Variants in TDRKH observed in about 807,000 individuals in gnomAD.
TDRKH encodes tudor and KH domain-containing protein.
Under a neutral mutation model 61.3 loss-of-function variants are expected in TDRKH, and 28 were observed. The observed-to-expected ratio is 0.46, with a 90% CI of 0.34 to 0.63. The LOEUF is 0.63. Ranked by LOEUF, TDRKH falls within the 20% of genes least tolerant of loss-of-function variation. The probability of loss-of-function intolerance (pLI) is 0.01; values close to 1 mark genes in which losing one functional copy is unlikely to be tolerated. For missense variants in TDRKH, 540 were observed against 683.4 expected (o/e 0.79, Z 2.34); for synonymous variants, 219 against 244.4 (o/e 0.90, Z 0.97).
At chr1:151,785,019 C>A (rs866831065) in intron 1 of TDRKH, among the ~76,000 whole-genome samples, 1 of 150,926 alleles carries the variant, frequency 6.6e-6, no homozygotes, top group Non-Finnish European at 1.5e-5. Context: ...GCAGCCACAA[C>A]CTCTGGACTC....
chr1:151,779,045 G>A, intron 5 of TDRKH, 39 bp from the exon 6 acceptor site: 1 of 1,612,254 alleles, frequency 6.2e-7, no homozygotes, highest in Non-Finnish European at 8.5e-7. Flanking sequence ...TCTGACCTGG[G>A]ATAGAGTAAA....
At chr1:151,771,412 T>C, downstream of TDRKH, 3 of 1,288,570 alleles carry the variant, frequency 2.3e-6, no homozygotes, top group Non-Finnish European at 2.0e-6. Context: ...CTAAATTCAC[T>C]GAAAAGATCA....
chr1:151,786,563 T>C (rs4845355), intron 1 of TDRKH, among the ~76,000 whole-genome samples: 1 of 151,928 alleles, frequency 6.6e-6, no homozygotes, highest in Admixed American at 6.6e-5. Context: ...CGGAGAAGGG[T>C]AGACTACTAC....
rs368813898 is a variant in TDRKH at position 151,774,442 on chromosome 1, A to T, written c.*10T>A. ...CAAAGCAGATGGCTGAGCAAACTGA[A>T]GCCCAGACTTCAGAGTAAGTAGTCA... is the stretch of plus-strand genomic sequence containing the variant. On this transcript the variant is annotated 3_prime_UTR_variant, in exon 13 of 13. Transcript: ENST00000368824. The T allele has an allele frequency of 1.2e-6, 2 of 1,614,010 alleles. No homozygotes were observed. The highest frequency in any genetic ancestry group is 2.2e-5 in the South Asian group (2 of 91,050).
intron 7 of TDRKH, 69 bp downstream of exon 7, chr1:151,776,370 G>A (rs1201069214): frequency 1.9e-6 from 3 of 1,599,814 alleles, no homozygotes; most frequent in South Asian, 2.2e-5. Context: ...CACAGGGAAA[G>A]GAAGAGTACA....
Position 151,782,889 on chromosome 1 carries a change from G to A in TDRKH, c.124+10C>T. On this transcript the variant is annotated intron_variant, in intron 2 of 12. Transcript: ENST00000368824. ...ACATTTTCACACACACAGTCATAGG[G>A]TTCACGTACCTCTGCTTTCCCTATA... is the stretch of plus-strand genomic sequence containing the variant. The A allele has an allele frequency of 1.3e-6, 2 of 1,599,826 alleles. No individual in the cohort carries two copies. Among genetic ancestry groups the A allele is most frequent in the Non-Finnish European group, 1.7e-6 (2 of 1,174,422 alleles).
downstream of TDRKH, chr1:151,771,522 T>C: frequency 2.4e-6 from 1 of 411,706 alleles, no homozygotes; most frequent in Non-Finnish European, 4.1e-6. Flanking sequence ...AACCATTTAC[T>C]GAGCACTAAT....
At chr1:151,778,626 A>T (rs1273470158) in intron 6 of TDRKH, 59 bp downstream of exon 6, 1 of 1,604,248 alleles carries the variant, frequency 6.2e-7, no homozygotes, top group Admixed American at 1.7e-5. Flanking sequence ...TAATCTCTCC[A>T]ATATCTAAGC....
chr1:151,781,559 A>G lies in TDRKH; in HGVS notation c.153T>C (p.Asp51=), dbSNP rs1649821375. Reference sequence around the variant, plus strand: ...GAACCCGCATCTCTATCTCAATGTCATCTTCCCCAACAAATGTCAGCCGCT... The same window carrying G: ...GAACCCGCATCTCTATCTCAATGTCGTCTTCCCCAACAAATGTCAGCCGCT... ...REERLTFVGE[D]DIEIEMRVPQ... Residue 51 remains aspartate (D), a synonymous_variant, in exon 3 of 13, where the codon GAT becomes GAC. Transcript: ENST00000368824. 5 of 1,613,298 alleles carry G rather than the reference A, an allele frequency of 3.1e-6. No homozygotes were observed. The highest frequency in any genetic ancestry group is 4.2e-6 in the Non-Finnish European group (5 of 1,179,784).
intron 7 of TDRKH, 71 bp from the exon 8 acceptor site, chr1:151,776,339 A>C: frequency 1.9e-6 from 3 of 1,593,744 alleles, no homozygotes; most frequent in Non-Finnish European, 2.6e-6. Context: ...TTGCAGGAGG[A>C]AGAAAGAAAA....
chr1:151,768,109 G>T (rs767885378), downstream of TDRKH: 1 of 1,613,944 alleles, frequency 6.2e-7, no homozygotes, highest in Non-Finnish European at 8.5e-7. Context: ...CCAGGACCCA[G>T]TACAGTTAGA....
At chr1:151,781,660 G>T in intron 2 of TDRKH, 73 bp from the exon 3 acceptor site, 1 of 1,336,682 alleles carries the variant, frequency 7.5e-7, no homozygotes, top group South Asian at 1.3e-5. Flanking sequence ...GTCCTCCCCA[G>T]AATCTGGCTG....
chr1:151,789,544 T>A (rs1558153597), intron 1 of TDRKH, among the ~76,000 whole-genome samples: 1 of 152,232 alleles, frequency 6.6e-6, no homozygotes, highest in Admixed American at 6.5e-5. Flanking sequence ...TGTGGTTAGA[T>A]AATGGTTTTC....
intron 1 of TDRKH, among the ~76,000 whole-genome samples, chr1:151,790,159 G>A (rs1034253403): frequency 1.3e-5 from 2 of 152,200 alleles, no homozygotes; most frequent in Non-Finnish European, 2.9e-5. Flanking sequence ...TGTGGCGTAA[G>A]CGGGTGACTG....
intron 2 of TDRKH, 105 bp downstream of exon 2, chr1:151,782,794 A>C (rs1649956695): frequency 7.0e-7 from 1 of 1,423,450 alleles, no homozygotes; most frequent in Non-Finnish European, 9.2e-7. Context: ...AAAAACCCCA[A>C]AACAAAACAC....
downstream of TDRKH, among the ~76,000 whole-genome samples, chr1:151,768,808 C>G (rs969237875): frequency 1.3e-5 from 2 of 152,166 alleles, no homozygotes; most frequent in African/African-American, 4.8e-5. Context: ...GCAGAGGACC[C>G]TGCGGCCTTC....
At chr1:151,788,626 A>T (rs940190880) in intron 1 of TDRKH, among the ~76,000 whole-genome samples, 1 of 152,204 alleles carries the variant, frequency 6.6e-6, no homozygotes, top group Admixed American at 6.5e-5. Flanking sequence ...AACTGCGGCT[A>T]AGGGATAGAA....
downstream of TDRKH, chr1:151,768,181 C>G: frequency 6.2e-7 from 1 of 1,613,940 alleles, no homozygotes; most frequent in South Asian, 1.1e-5. Context: ...CTGTGACCGT[C>G]GACTCTTCCT....
At chr1:151,775,584 G>A in intron 9 of TDRKH, 41 bp from the exon 10 acceptor site, 1 of 1,583,804 alleles carries the variant, frequency 6.3e-7, no homozygotes. Flanking sequence ...TAGGGGTGGG[G>A]CTTATACCCT....
Sources: gnomAD v4.1 joint callset for allele counts (sites outside exome capture counted in the v4.1 genomes callset) on GRCh38, gnomAD v4.1.1 for gene constraint, MANE v1.5 for transcripts, NCBI Gene and HGNC (gene_info 2026-07-23, HGNC 2026-07-21) for gene names.